The following CASQ2 variants were observed in gnomAD, a reference collection of about 807,000 sequenced individuals.
CASQ2 encodes the protein calsequestrin-2.
CASQ2 carries 49 observed loss-of-function variants against 46.5 expected under a neutral mutation model. That is an observed-to-expected ratio of 1.05 (90% CI 0.84 to 1.34). The LOEUF is 1.34. Ranked by LOEUF, CASQ2 falls within the 40% of genes most tolerant of loss-of-function variation. The pLI, the probability that CASQ2 is intolerant of heterozygous loss-of-function variation, is 0.00. For missense variants in CASQ2, 486 were observed against 481.3 expected (o/e 1.01, Z -0.09); for synonymous variants, 174 against 168.5 (o/e 1.03, Z -0.25).
At position 115,744,864 on chromosome 1, in the gene CASQ2, C is replaced by G; in HGVS notation, c.283G>C (p.Asp95His). Reference sequence around the variant, plus strand: ...GCAAGCTTGGCTTCTTTCTTGGCATCCACCATCACAAAGCCTATAGCTTTA... The same window carrying G: ...GCAAGCTTGGCTTCTTTCTTGGCATGCACCATCACAAAGCCTATAGCTTTA... ...EHKAIGFVMV[D>H]AKKEAKLAKK... is the part of the protein sequence containing the mutation. The change falls in exon 2 of 11, where the codon GAT becomes CAT. Residue 95 changes from aspartate to histidine, a missense_variant. Coordinates refer to ENST00000261448, the MANE Select transcript of CASQ2 (RefSeq NM_001232.4). 1 of 1,613,956 alleles carries G rather than the reference C, an allele frequency of 6.2e-7. No individual in the cohort carries two copies. Among genetic ancestry groups the G allele is most frequent in the Non-Finnish European group, 8.5e-7 (1 of 1,179,902 alleles).
chr1:115,739,809 C>A (rs1271086499), intron 3 of CASQ2, among the ~76,000 whole-genome samples: 2 of 152,208 alleles, frequency 1.3e-5, no homozygotes, highest in Non-Finnish European at 2.9e-5. Flanking sequence ...GTAAGTCAAT[C>A]ACATTGTTTA....
At chr1:115,727,500 A>G (rs775189333) in intron 5 of CASQ2, among the ~76,000 whole-genome samples, 4 of 152,236 alleles carry the variant, frequency 2.6e-5, no homozygotes, top group Non-Finnish European at 5.9e-5. Flanking sequence ...GTATGGATTT[A>G]ATGGAACCAA....
In CASQ2 at chr1:115,705,235, G is replaced by C. The variant is rs974622106; in HGVS notation, c.896C>G (p.Pro299Arg). The change falls in exon 9 of 11, where the codon CCC becomes CGC. Residue 299 changes from proline to arginine, a missense_variant. Pro to Arg is a moderately radical substitution (Grantham distance 103). Transcript: ENST00000261448. ...KQVARDNTDN[P>R]DLSILWIDPD... is the part of the protein sequence containing the mutation. The stretch of plus-strand genomic sequence containing the variant: ...GTCGATCCACAGGATGCTCAGATCG[G>C]GGTTGTCAGTATTGTCCCGGGCAAC... 1.9e-6 allele frequency: 3 copies of C among 1,614,100 alleles called. No individual in the cohort carries two copies. Among genetic ancestry groups the C allele is most frequent in the Non-Finnish European group, 2.5e-6 (3 of 1,179,910 alleles).
At chr1:115,728,121 A>G (rs1230593464) in intron 5 of CASQ2, among the ~76,000 whole-genome samples, 4 of 152,156 alleles carry the variant, frequency 2.6e-5, no homozygotes, top group African/African-American at 9.7e-5. Flanking sequence ...GAGCTGATGC[A>G]CTGTGGTGGT....
chr1:115,738,684 A>T (rs1416293179), intron 3 of CASQ2, among the ~76,000 whole-genome samples: 2 of 152,180 alleles, frequency 1.3e-5, no homozygotes, highest in Non-Finnish European at 2.9e-5. Context: ...AAGCTAATTA[A>T]CCTATCCATC....
intron 10 of CASQ2, among the ~76,000 whole-genome samples, chr1:115,702,574 T>C (rs1654239942): frequency 6.6e-6 from 1 of 152,252 alleles, no homozygotes; most frequent in Non-Finnish European, 1.5e-5. Context: ...TGTGCAGTGA[T>C]GGCTCCTGGT....
At chr1:115,715,323 G>T (rs544689210) in intron 8 of CASQ2, among the ~76,000 whole-genome samples, 20 of 152,208 alleles carry the variant, frequency 1.3e-4, no homozygotes, top group Non-Finnish European at 2.9e-4. Context: ...AAAGACAAGA[G>T]AGTGCTCAGA....
intron 8 of CASQ2, among the ~76,000 whole-genome samples, chr1:115,715,802 G>T (rs992677438): frequency 2.0e-5 from 3 of 152,200 alleles, no homozygotes; most frequent in Non-Finnish European, 4.4e-5. Flanking sequence ...AAGCTGGTCT[G>T]CCAGTGAAGA....
At chr1:115,762,163 T>C (rs1415708196) in intron 1 of CASQ2, among the ~76,000 whole-genome samples, 1 of 152,218 alleles carries the variant, frequency 6.6e-6, no homozygotes, top group Non-Finnish European at 1.5e-5. Flanking sequence ...TCCAAGAAGA[T>C]ATGGCCATTT....
At chr1:115,760,887 G>A (rs1304014242) in intron 1 of CASQ2, among the ~76,000 whole-genome samples, 1 of 152,092 alleles carries the variant, frequency 6.6e-6, no homozygotes, top group Non-Finnish European at 1.5e-5. Context: ...TTAATACATA[G>A]ATGAATTTCT....
chr1:115,737,531 T>G (rs1648005497), intron 4 of CASQ2, among the ~76,000 whole-genome samples: 1 of 152,168 alleles, frequency 6.6e-6, no homozygotes, highest in South Asian at 2.1e-4. Flanking sequence ...ACGGGGGCCA[T>G]GCTGCCAAAG....
intron 1 of CASQ2, among the ~76,000 whole-genome samples, chr1:115,753,892 G>GA (rs563639480): frequency 0.078 from 11,388 of 146,522 alleles, 1,415 homozygotes; most frequent in African/African-American, 0.27. Flanking sequence ...CCAAGAATCT[G>GA]AAAAAAAAAA....
intron 1 of CASQ2, among the ~76,000 whole-genome samples, chr1:115,748,152 A>C (rs1648451302): frequency 6.6e-6 from 1 of 151,720 alleles, no homozygotes; most frequent in Admixed American, 6.6e-5. Flanking sequence ...TGATGGTTTG[A>C]CCCTGGATCT....
In CASQ2 at chr1:115,744,898, G is replaced by C. The variant is rs1468528246; in HGVS notation, c.249C>G (p.Val83=). ...CAAAGCCTATAGCTTTATGTTCAAG[G>C]ACCTGGGCCACAAGCTGAAGAAACA... is the stretch of plus-strand genomic sequence containing the variant. ...KEIVLELVAQ[V]LEHKAIGFVM... is the part of the protein sequence containing the mutation. Residue 83 remains valine, a synonymous_variant, in exon 2 of 11, where the codon GTC becomes GTG. Transcript: ENST00000261448. 6.2e-7 allele frequency: 1 copy of C among 1,613,106 alleles called. No homozygotes were observed. Among genetic ancestry groups the C allele is most frequent in the Non-Finnish European group, 8.5e-7 (1 of 1,179,310 alleles).
intron 1 of CASQ2, among the ~76,000 whole-genome samples, chr1:115,766,845 A>C (rs1649145675): frequency 6.6e-6 from 1 of 151,892 alleles, no homozygotes; most frequent in South Asian, 2.1e-4. Flanking sequence ...GGGGACAGAT[A>C]TACTTGGGGG....
chr1:115,725,394 C>CA, intron 7 of CASQ2, 114 bp downstream of exon 7: 1 of 1,159,762 alleles, frequency 8.6e-7, no homozygotes, highest in Non-Finnish European at 1.3e-6. Flanking sequence ...CTCATCTAGA[C>CA]ATCCACCTCA....
chr1:115,726,152 G>C (rs1467103479), intron 6 of CASQ2, among the ~76,000 whole-genome samples: 1 of 152,184 alleles, frequency 6.6e-6, no homozygotes, highest in Non-Finnish European at 1.5e-5. Flanking sequence ...AGGTGAGGGG[G>C]ATCACAGTAC....
At position 115,732,953 on chromosome 1, in the gene CASQ2, G is replaced by A. The variant is rs986840982; in HGVS notation, c.554C>T (p.Ala185Val). The A allele has an allele frequency of 2.5e-6, 4 of 1,613,466 alleles. No individual in the cohort carries two copies. The highest frequency in any genetic ancestry group is 2.7e-5 in the African/African-American group (2 of 74,910). The change falls in exon 5 of 11, where the codon GCA (alanine) becomes GTA (valine). Residue 185 changes from alanine (A) to valine (V), a missense_variant. Ala to Val is a moderately conservative substitution (Grantham distance 64, BLOSUM62 0). Coordinates refer to ENST00000261448, the MANE Select transcript of CASQ2 (RefSeq NM_001232.4). ...GATGTAAGGCTGGAAGTGTTCAGCT[G>A]CTTCTTCAAAAGCCTTGTAGTCTAA... is the stretch of plus-strand genomic sequence containing the variant. ...DSEYYKAFEE[A>V]AEHFQPYIKF...
chr1:115,713,162 G>C (rs1283004811), intron 8 of CASQ2, among the ~76,000 whole-genome samples: 2 of 152,118 alleles, frequency 1.3e-5, no homozygotes, highest in Non-Finnish European at 2.9e-5. Context: ...ATGTAGAAAC[G>C]CTGCTTTGCA....
Sources: allele counts gnomAD v4.1 joint callset (sites outside exome capture counted in the v4.1 genomes callset), GRCh38; gene constraint gnomAD v4.1.1; transcripts MANE v1.5; gene names NCBI Gene and HGNC (gene_info 2026-07-23, HGNC 2026-07-21).